AKAP10: variants seen among roughly 807,000 people sequenced by gnomAD.
AKAP10 encodes the protein A-kinase anchor protein 10, mitochondrial.
AKAP10 carries 24 observed loss-of-function variants against 80.8 expected under a neutral mutation model. The ratio of observed to expected loss-of-function variants is 0.30; its 90% CI spans 0.22 to 0.42. The LOEUF (loss-of-function observed/expected upper bound fraction) is 0.42. AKAP10 is among the 10% of genes least tolerant of loss of function. The pLI is 1.00. For synonymous variants in AKAP10, 291 were observed against 277.7 expected, an observed-to-expected ratio of 1.05 and a Z score of -0.48; for missense variants, 661 against 794.9, an observed-to-expected ratio of 0.83 and a Z score of 2.03.
intron 12 of AKAP10, among the ~76,000 whole-genome samples, chr17:19,912,907 G>T (rs1005856150): frequency 1.3e-5 from 2 of 151,994 alleles, no homozygotes; most frequent in Non-Finnish European, 2.9e-5. Flanking sequence ...AAGCCCTGTA[G>T]TTGCTACTAA....
chr17:19,955,279 T>C (rs1597519438), intron 4 of AKAP10, among the ~76,000 whole-genome samples: 1 of 151,914 alleles, frequency 6.6e-6, no homozygotes, highest in African/African-American at 2.4e-5. Context: ...CGGAGAAAGA[T>C]CAGCGGTTGC....
At chr17:19,946,927 A>G (rs1307756314) in intron 5 of AKAP10, among the ~76,000 whole-genome samples, 2 of 152,144 alleles carry the variant, frequency 1.3e-5, no homozygotes, top group African/African-American at 4.8e-5. Context: ...CCTGAGACGG[A>G]GAGGCCACCA....
intron 2 of AKAP10, among the ~76,000 whole-genome samples, chr17:19,965,107 T>C (rs2043400833): frequency 6.6e-6 from 1 of 152,216 alleles, no homozygotes; most frequent in Non-Finnish European, 1.5e-5. Flanking sequence ...CCCACCCACA[T>C]TGACTTTACC....
At chr17:19,977,416 C>A (rs1017044565) in intron 1 of AKAP10, among the ~76,000 whole-genome samples, 176 bp downstream of exon 1, 1 of 152,252 alleles carries the variant, frequency 6.6e-6, no homozygotes, top group Non-Finnish European at 1.5e-5. Flanking sequence ...AGAAGGCCAC[C>A]TTCTCCCTCC....
At chr17:19,941,402 A>G (rs1288429088) in intron 6 of AKAP10, among the ~76,000 whole-genome samples, 1 of 152,074 alleles carries the variant, frequency 6.6e-6, no homozygotes, top group African/African-American at 2.4e-5. Flanking sequence ...AATCTAAAAA[A>G]CCTCTGGAGC....
intron 4 of AKAP10, among the ~76,000 whole-genome samples, chr17:19,956,165 T>C (rs2043273285): frequency 6.6e-6 from 1 of 152,144 alleles, no homozygotes; most frequent in Admixed American, 6.5e-5. Flanking sequence ...CCTGTACTCA[T>C]ACAGGATCAG....
intron 1 of AKAP10, among the ~76,000 whole-genome samples, chr17:19,974,073 T>G (rs1192547293): frequency 6.6e-6 from 1 of 152,090 alleles, no homozygotes; most frequent in African/African-American, 2.4e-5. Context: ...ATGCCTGTAA[T>G]TCCAGCTACT....
chr17:19,935,672 C>T (rs2042984815), intron 9 of AKAP10, among the ~76,000 whole-genome samples: 1 of 151,802 alleles, frequency 6.6e-6, no homozygotes, highest in Non-Finnish European at 1.5e-5. Flanking sequence ...CCACATTAGC[C>T]TAAGCCTACA....
chr17:19,966,971 C>G (rs1400035603), intron 2 of AKAP10, among the ~76,000 whole-genome samples: 2 of 152,112 alleles, frequency 1.3e-5, no homozygotes, highest in Non-Finnish European at 2.9e-5. Flanking sequence ...GTAAACTAGG[C>G]TGTAAGGTAC....
intron 2 of AKAP10, among the ~76,000 whole-genome samples, chr17:19,964,950 C>T (rs138892228): frequency 4.4e-4 from 67 of 152,292 alleles, no homozygotes; most frequent in African/African-American, 1.5e-3. Flanking sequence ...AGGGAAACAT[C>T]TTACTCACAC....
At chr17:19,912,447 G>C (rs901774422) in intron 12 of AKAP10, among the ~76,000 whole-genome samples, 1 of 152,208 alleles carries the variant, frequency 6.6e-6, no homozygotes, top group African/African-American at 2.4e-5. Context: ...TGAGGCAGAA[G>C]AATTGCTTGA....
chr17:19,968,055 G>C (rs947602321), intron 2 of AKAP10: 1 of 169,142 alleles, frequency 5.9e-6, no homozygotes, highest in African/African-American at 2.4e-5. Context: ...CAAAAAATTA[G>C]CCAGGCGTGG....
intron 10 of AKAP10, chr17:19,929,348 C>T (rs1383634947): frequency 1.3e-5 from 2 of 152,054 alleles, no homozygotes; most frequent in African/African-American, 4.8e-5. Flanking sequence ...TGAATTAGCA[C>T]AATAAAGCTG....
At chr17:19,937,666 T>A (rs192852720) in intron 8 of AKAP10, among the ~76,000 whole-genome samples, 1 of 152,308 alleles carries the variant, frequency 6.6e-6, no homozygotes, top group East Asian at 1.9e-4. Flanking sequence ...ACTCTTCCTA[T>A]CTCAACATCT....
intron 12 of AKAP10, among the ~76,000 whole-genome samples, chr17:19,917,914 C>CA (rs909919802): frequency 1.8e-4 from 26 of 147,558 alleles, no homozygotes; most frequent in African/African-American, 3.0e-4. Context: ...TCCCACCCGA[C>CA]AAAAAAAAAG....
At chr17:19,924,973 G>A (rs566941340) in intron 10 of AKAP10, among the ~76,000 whole-genome samples, 2 of 152,122 alleles carry the variant, frequency 1.3e-5, no homozygotes, top group South Asian at 4.2e-4. Flanking sequence ...AGGCCAGCAT[G>A]GTCAATATGG....
chr17:19,910,280 C>T (rs1414460392), intron 12 of AKAP10, among the ~76,000 whole-genome samples: 1 of 143,896 alleles, frequency 6.9e-6, no homozygotes, highest in Non-Finnish European at 1.5e-5. Flanking sequence ...GAGCTGAGAT[C>T]GTGCCACTGC....
chr17:19,940,501 A>G (rs1401280957), intron 7 of AKAP10, among the ~76,000 whole-genome samples: 1 of 151,988 alleles, frequency 6.6e-6, no homozygotes, highest in Non-Finnish European at 1.5e-5. Flanking sequence ...AATCCTATCA[A>G]GTGACTAAAG....
chr17:19,932,649 T>C (rs2042948860), intron 9 of AKAP10, among the ~76,000 whole-genome samples: 1 of 152,102 alleles, frequency 6.6e-6, no homozygotes, highest in African/African-American at 2.4e-5. Context: ...GATTTTACTT[T>C]CAAACTGATT....
Sources: allele counts gnomAD v4.1 joint callset (sites outside exome capture counted in the v4.1 genomes callset), GRCh38; gene constraint gnomAD v4.1.1; transcripts MANE v1.5; gene names NCBI Gene and HGNC (gene_info 2026-07-23, HGNC 2026-07-21).